GRIA1: variants seen among roughly 807,000 people sequenced by gnomAD.
GRIA1 encodes glutamate receptor 1.
In GRIA1, 31 loss-of-function variants were observed where a neutral mutation model predicts 99.2. The observed-to-expected ratio is 0.31, with a 90% CI of 0.23 to 0.42. The LOEUF (loss-of-function observed/expected upper bound fraction) is 0.42. Among genes scored for constraint, GRIA1 ranks in the 10% least tolerant of loss-of-function variants. The pLI is 1.00. For missense variants in GRIA1, 782 were observed against 1,157.5 expected (o/e 0.68, Z 4.71); for synonymous variants, 438 against 432.4 (o/e 1.01, Z -0.16).
chr5:153,811,473 A>G lies in GRIA1; in HGVS notation c.*248A>G. On this transcript the variant is annotated 3_prime_UTR_variant, in exon 16 of 16. Transcript: ENST00000285900. ...GATGAAAAAATAACACTGTACTGCA[A>G]TAAGGGGAGAGTAACCCTGTCTAAT... 2 of 454,960 alleles carry G rather than the reference A, an allele frequency of 4.4e-6. No homozygotes were observed. Among genetic ancestry groups the G allele is most frequent in the Non-Finnish European group, 4.1e-6 (1 of 245,832 alleles). 28.2% of individuals were successfully genotyped at this position (454,960 alleles called of 1,614,324 possible).
At chr5:153,719,621 T>A (rs1759914834) in intron 11 of GRIA1, among the ~76,000 whole-genome samples, 1 of 152,040 alleles carries the variant, frequency 6.6e-6, no homozygotes, top group Non-Finnish European at 1.5e-5. Flanking sequence ...GCAGAAGCTG[T>A]ATCACCTTTC....
intron 2 of GRIA1, among the ~76,000 whole-genome samples, chr5:153,583,221 C>G (rs1763195771): frequency 6.6e-6 from 1 of 152,158 alleles, no homozygotes; most frequent in African/African-American, 2.4e-5. Context: ...GTGTGAGCCT[C>G]TGCACCCGGG....
intron 14 of GRIA1, chr5:153,795,729 C>A (rs372544314): frequency 5.4e-6 from 3 of 560,254 alleles, no homozygotes; most frequent in Non-Finnish European, 3.3e-6. Flanking sequence ...AGAGTCCAGG[C>A]AGGGTTAAAA....
rs992995886 is a variant in GRIA1 at position 153,811,452 on chromosome 5, A to G, written c.*227A>G. On this transcript the variant is annotated 3_prime_UTR_variant, in exon 16 of 16. Coordinates refer to ENST00000285900, the MANE Select transcript of GRIA1 (RefSeq NM_000827.4). ...CTTTTCTGTTTGCTAAGTGAGGATG[A>G]AAAAATAACACTGTACTGCAATAAG... 1 of 505,468 alleles carries G rather than the reference A, an allele frequency of 2.0e-6. No homozygotes were observed. The highest frequency in any genetic ancestry group is 3.6e-6 in the Non-Finnish European group (1 of 277,270). The allele number at this position is 505,468 out of a possible 1,614,324, so 31.3% of individuals were successfully genotyped here.
intron 13 of GRIA1, among the ~76,000 whole-genome samples, chr5:153,778,177 G>C (rs1304944292): frequency 1.4e-5 from 2 of 143,550 alleles, no homozygotes; most frequent in African/African-American, 5.4e-5. Context: ...CAGAGAGACA[G>C]AGAGAGAGAG....
chr5:153,633,136 C>A (rs1753100075), intron 2 of GRIA1, among the ~76,000 whole-genome samples: 1 of 152,186 alleles, frequency 6.6e-6, no homozygotes, highest in South Asian at 2.1e-4. Context: ...GCTCATGGAT[C>A]TGTGAGTGAG....
At chr5:153,810,921 T>C in intron 15 of GRIA1, 104 bp from the exon 16 acceptor site, 1 of 805,462 alleles carries the variant, frequency 1.2e-6, no homozygotes, top group Non-Finnish European at 2.2e-6. Flanking sequence ...AGGGGGTGGA[T>C]GGGAAAGCAG....
intron 2 of GRIA1, among the ~76,000 whole-genome samples, chr5:153,639,739 A>G (rs1753656253): frequency 6.6e-6 from 1 of 152,214 alleles, no homozygotes; most frequent in Non-Finnish European, 1.5e-5. Flanking sequence ...GTATACCCCT[A>G]GCACCAGCTT....
chr5:153,531,074 A>C (rs1179311055), intron 2 of GRIA1, among the ~76,000 whole-genome samples: 1 of 152,178 alleles, frequency 6.6e-6, no homozygotes, highest in Non-Finnish European at 1.5e-5. Context: ...TGAAGAAGAG[A>C]TACATGAGCT....
Position 153,493,955 on chromosome 5 carries a change from A to G in GRIA1, c.110A>G (p.Gln37Arg). 6.2e-7 allele frequency: 1 copy of G among 1,614,070 alleles called. No individual in the cohort carries two copies. Among genetic ancestry groups the G allele is most frequent in the Non-Finnish European group, 8.5e-7 (1 of 1,179,934 alleles). ...IGGLFPNQQS[Q>R]EHAAFRFALS... is the part of the protein sequence containing the mutation. ...GGATTATTTCCAAACCAGCAGTCAC[A>G]GGAACATGCTGCTTTTAGATTTGCT... The change falls in exon 2 of 16, where the codon CAG becomes CGG. Residue 37 changes from glutamine to arginine, a missense_variant. Gln to Arg is a conservative substitution (Grantham distance 43, BLOSUM62 1). Coordinates refer to ENST00000285900, the MANE Select transcript of GRIA1 (RefSeq NM_000827.4).
At chr5:153,669,357 C>T (rs1200064129) in intron 5 of GRIA1, among the ~76,000 whole-genome samples, 5 of 152,128 alleles carry the variant, frequency 3.3e-5, no homozygotes, top group African/African-American at 9.7e-5. Context: ...CCATTATTGT[C>T]ATTTTTGTTC....
chr5:153,664,032 C>G (rs2149474239), intron 5 of GRIA1, among the ~76,000 whole-genome samples: 1 of 152,302 alleles, frequency 6.6e-6, no homozygotes, highest in Non-Finnish European at 1.5e-5. Context: ...TCACCAGCAG[C>G]CTTCAAGCAA....
intron 2 of GRIA1, among the ~76,000 whole-genome samples, chr5:153,598,696 C>G (rs1264085735): frequency 6.6e-6 from 1 of 151,960 alleles, no homozygotes; most frequent in Non-Finnish European, 1.5e-5. Flanking sequence ...TCCTTATAGC[C>G]AATATTTATT....
chr5:153,656,521 A>G (rs1364024690), intron 5 of GRIA1, among the ~76,000 whole-genome samples: 4 of 151,524 alleles, frequency 2.6e-5, no homozygotes, highest in Non-Finnish European at 2.9e-5. Flanking sequence ...TTTACCTAGT[A>G]GCACATACTA....
At chr5:153,748,801 A>G (rs1762323186) in intron 11 of GRIA1, among the ~76,000 whole-genome samples, 1 of 152,184 alleles carries the variant, frequency 6.6e-6, no homozygotes, top group African/African-American at 2.4e-5. Flanking sequence ...GAGAAGAATG[A>G]GTCTTCTATT....
chr5:153,748,080 A>G (rs1373018407), intron 11 of GRIA1, among the ~76,000 whole-genome samples: 1 of 152,244 alleles, frequency 6.6e-6, no homozygotes, highest in African/African-American at 2.4e-5. Context: ...CTGAAGTTAC[A>G]CATTAGTGGA....
intron 11 of GRIA1, among the ~76,000 whole-genome samples, chr5:153,754,958 G>A (rs1275049292): frequency 6.6e-6 from 1 of 152,208 alleles, no homozygotes; most frequent in Non-Finnish European, 1.5e-5. Context: ...GAGTCTTACG[G>A]CTGAATACTA....
intron 2 of GRIA1, among the ~76,000 whole-genome samples, chr5:153,509,716 A>G (rs1307098074): frequency 6.6e-6 from 1 of 152,174 alleles, no homozygotes; most frequent in African/African-American, 2.4e-5. Context: ...GTTTTTATTT[A>G]TAAAGTGGCA....
intron 11 of GRIA1, among the ~76,000 whole-genome samples, chr5:153,713,993 T>A (rs1205488077): frequency 6.6e-6 from 1 of 152,120 alleles, no homozygotes; most frequent in African/African-American, 2.4e-5. Flanking sequence ...ATAAATAAAA[T>A]AAAAATGTGA....
Sources: allele counts gnomAD v4.1 joint callset (sites outside exome capture counted in the v4.1 genomes callset), GRCh38; gene constraint gnomAD v4.1.1; transcripts MANE v1.5; gene names NCBI Gene and HGNC (gene_info 2026-07-23, HGNC 2026-07-21).